EPG5: variants seen among roughly 807,000 people sequenced by gnomAD.
EPG5 encodes ectopic P-granules 5 autophagy tethering factor, also known as ectopic P granules protein 5 homolog.
A neutral mutation model predicts 302.7 loss-of-function variants in EPG5; 159 were observed. The ratio of observed to expected loss-of-function variants is 0.53; its 90% CI spans 0.46 to 0.60. The LOEUF is 0.60. Ranked by LOEUF, EPG5 falls within the 20% of genes least tolerant of loss-of-function variation. The pLI, the probability that EPG5 is intolerant of heterozygous loss-of-function variation, is 0.00. For synonymous variants in EPG5, 1,158 were observed against 1,136.8 expected (o/e 1.02, Z -0.37); for missense variants, 2,896 against 3,092.4 (o/e 0.94, Z 1.51).
At position 45,922,511 on chromosome 18, in the gene EPG5, T is replaced by A. The variant is rs758626338; in HGVS notation, c.2928A>T (p.Lys976Asn). 1 of 1,614,194 alleles carries A rather than the reference T, an allele frequency of 6.2e-7. No homozygotes were observed. Among genetic ancestry groups the A allele is most frequent in the Admixed American group, 1.7e-5 (1 of 60,026 alleles). ...QWAWNLILRL[K>N]LHKNDYGIQP... ...GTATTCCATAATCGTTTTTGTGCAGTTTTAGCCTCAAGATTAAATTCCAGG... is the reference window on the plus strand; with the variant it reads ...GTATTCCATAATCGTTTTTGTGCAGATTTAGCCTCAAGATTAAATTCCAGG... The change falls in exon 16 of 44, where the codon AAA becomes AAT. Residue 976 changes from lysine (K) to asparagine (N), a missense_variant. By Grantham distance (94) the Lys-to-Asn change is moderately conservative (BLOSUM62 0). This residue lies in a region of EPG5 where 1,390 missense variants were observed against 1,430.0 expected (regional missense o/e 0.97). Transcript: ENST00000282041.
At chr18:45,882,185 A>G (rs369251388) in intron 31 of EPG5, 89 bp downstream of exon 31, 3 of 1,157,348 alleles carry the variant, frequency 2.6e-6, no homozygotes, top group Non-Finnish European at 3.8e-6. Context: ...TATTACTTTC[A>G]TATCTTTGAA....
At chr18:45,878,865 T>C in intron 33 of EPG5, 148 bp downstream of exon 33, 1 of 641,904 alleles carries the variant, frequency 1.6e-6, no homozygotes, top group Non-Finnish European at 2.7e-6. Flanking sequence ...TTGTGACATA[T>C]ATGACACATA....
chr18:45,919,783 A>G (rs2050114887), intron 16 of EPG5, among the ~76,000 whole-genome samples: 1 of 152,156 alleles, frequency 6.6e-6, no homozygotes, highest in Non-Finnish European at 1.5e-5. Flanking sequence ...AAGTGCTGGG[A>G]TTACAGGCGT....
downstream of EPG5, among the ~76,000 whole-genome samples, chr18:45,846,554 G>C (rs538605548): frequency 6.7e-6 from 1 of 149,046 alleles, no homozygotes; most frequent in East Asian, 1.9e-4. Flanking sequence ...AAAAGATCTC[G>C]GGGGTTCTAA....
At position 45,912,373 on chromosome 18, in the gene EPG5, G is replaced by A; in HGVS notation, c.3900C>T (p.Val1300=). 1.9e-6 allele frequency: 3 copies of A among 1,611,722 alleles called. No homozygotes were observed. The highest frequency in any genetic ancestry group is 1.1e-5 in the South Asian group (1 of 90,612). The stretch of plus-strand genomic sequence containing the variant: ...GCAGGAGGGGGTGATCAGAAGGTGT[G>A]ACCAGAGCCTGGTGGGCCCAGCGAT... ...LIYRWAHQAL[V]TPSDHPLLPL... The change falls in exon 22 of 44, where the codon GTC becomes GTT. Residue 1300 remains valine (V), a synonymous_variant. Transcript: ENST00000282041.
chr18:45,955,299 T>A lies in EPG5; in HGVS notation c.103A>T (p.Ser35Cys), dbSNP rs746311646. 6.2e-7 allele frequency: 1 copy of A among 1,610,968 alleles called. No homozygotes were observed. The highest frequency in any genetic ancestry group is 8.5e-7 in the Non-Finnish European group (1 of 1,178,648). Residue 35 changes from serine to cysteine, a missense_variant, in exon 2 of 44, where the codon AGT (serine) becomes TGT (cysteine). Coordinates refer to ENST00000282041, the MANE Select transcript of EPG5 (RefSeq NM_020964.3). ...GAGGTTTTTGGAAGGGAGACTTCAC[T>A]GGACTCTTCCCTCTGAGGAGTTTCA... ...KYETPQREES[S>C]EVSLPKTSRE...
At chr18:45,893,254 T>A (rs562561514) in intron 27 of EPG5, among the ~76,000 whole-genome samples, 15 of 152,314 alleles carry the variant, frequency 9.8e-5, no homozygotes, top group African/African-American at 3.6e-4. Flanking sequence ...TCTGAACTCA[T>A]CCTCATTCTG....
rs1286086047 is a variant in EPG5 at position 45,879,190 on chromosome 18, A to G, written c.5692T>C (p.Ser1898Pro). The stretch of plus-strand genomic sequence containing the variant: ...AACCGAAGCTTATAAAAAAAGTCTG[A>G]AAGCCACTGTATAGTCTCCATTACC... ...KQVMETIQWL[S>P]DFFYKLRLSK... Residue 1898 changes from serine to proline, a missense_variant, in exon 33 of 44, where the codon TCA becomes CCA. This residue lies in a region of EPG5 where 790 missense variants were observed against 798.0 expected (regional missense o/e 0.99). Transcript: ENST00000282041. 2 of 1,613,632 alleles carry G rather than the reference A, an allele frequency of 1.2e-6. No homozygotes were observed. Among genetic ancestry groups the G allele is most frequent in the East Asian group, 4.5e-5 (2 of 44,870 alleles).
At chr18:45,912,073 T>C (rs2049916478) in intron 22 of EPG5, among the ~76,000 whole-genome samples, 1 of 152,056 alleles carries the variant, frequency 6.6e-6, no homozygotes, top group Admixed American at 6.6e-5. Flanking sequence ...ACTACACTGG[T>C]CATGGAAGAT....
chr18:45,838,726 C>T, the EPG5 span: 38 of 1,576,518 alleles, frequency 2.4e-5, 1 homozygote, highest in South Asian at 3.5e-4. Context: ...AGCCGCGCCG[C>T]GGATCGTCAA....
At chr18:45,827,439 T>A in the EPG5 span, among the ~76,000 whole-genome samples, 1 of 152,194 alleles carries the variant, frequency 6.6e-6, no homozygotes. Context: ...CTTAGCCATC[T>A]TTCTGGGATG....
At chr18:45,939,999 TGTAA>T (rs1386814008) in intron 9 of EPG5, among the ~76,000 whole-genome samples, 1 of 152,078 alleles carries the variant, frequency 6.6e-6, no homozygotes, top group African/African-American at 2.4e-5. Flanking sequence ...GTCACATGGT[TGTAA>T]GTGACACTGA....
Position 45,884,470 on chromosome 18 carries a change from T to C in EPG5, c.5304+147A>G, listed in dbSNP as rs910458100. 6.2e-6 allele frequency: 4 copies of C among 645,826 alleles called. No homozygotes were observed. In the Admixed American group the frequency reaches 1.5e-4, roughly 24 times the overall value. The allele number at this position is 645,826 out of a possible 1,614,324, so 40.0% of individuals were successfully genotyped here. On this transcript the variant is annotated intron_variant, in intron 30 of 43. Coordinates refer to ENST00000282041, the MANE Select transcript of EPG5 (RefSeq NM_020964.3). ...GAAGCAGCTGTGGGGTCAGACTGCT[T>C]GAAGCTCATGCAAACTGTGAAAAAG... is the stretch of plus-strand genomic sequence containing the variant.
chr18:45,893,955 C>T (rs932788612), intron 27 of EPG5, among the ~76,000 whole-genome samples: 2 of 152,140 alleles, frequency 1.3e-5, no homozygotes, highest in African/African-American at 4.8e-5. Context: ...AAATCTAGAG[C>T]TGTTCATTCC....
At position 45,930,671 on chromosome 18, in the gene EPG5, C is replaced by A; in HGVS notation, c.2412+5G>T. Reference sequence around the variant, plus strand: ...TAGCTGATTTATAAAACTTCATATTCTAACCTCATATATCTCCAGAACAAT... The same window carrying A: ...TAGCTGATTTATAAAACTTCATATTATAACCTCATATATCTCCAGAACAAT... On this transcript the variant is annotated splice_donor_5th_base_variant and intron_variant, in intron 12 of 43. Transcript: ENST00000282041. 2 of 1,556,240 alleles carry A rather than the reference C, an allele frequency of 1.3e-6. No homozygotes were observed. The highest frequency in any genetic ancestry group is 1.4e-5 in the African/African-American group (1 of 71,762).
chr18:45,872,006 C>A (rs971080978), intron 35 of EPG5, among the ~76,000 whole-genome samples: 2 of 152,120 alleles, frequency 1.3e-5, no homozygotes, highest in Non-Finnish European at 2.9e-5. Context: ...TTTAATCATG[C>A]CACACTGTAA....
At chr18:45,931,816 C>A (rs1287360178) in intron 11 of EPG5, among the ~76,000 whole-genome samples, 1 of 151,844 alleles carries the variant, frequency 6.6e-6, no homozygotes, top group Non-Finnish European at 1.5e-5. Context: ...ACCTGGGCAA[C>A]AGAGCAAGAC....
At chr18:45,883,070 T>C (rs1374559304) in intron 30 of EPG5, among the ~76,000 whole-genome samples, 1 of 151,846 alleles carries the variant, frequency 6.6e-6, no homozygotes, top group Non-Finnish European at 1.5e-5. Context: ...TCTATTTCTG[T>C]GTTACTATCT....
At chr18:45,896,689 C>T (rs922480008) in intron 27 of EPG5, among the ~76,000 whole-genome samples, 6 of 152,238 alleles carry the variant, frequency 3.9e-5, no homozygotes, top group South Asian at 2.1e-4. Context: ...GGACCACAGG[C>T]GTGCGCCACC....
Sources: gnomAD v4.1 joint callset for allele counts (sites outside exome capture counted in the v4.1 genomes callset) on GRCh38, gnomAD v4.1.1 for gene constraint, gnomAD v4.1.1 regional missense constraint, MANE v1.5 for transcripts, NCBI Gene and HGNC (gene_info 2026-07-23, HGNC 2026-07-21) for gene names.